FHIT: variants seen among roughly 807,000 people sequenced by gnomAD.
The protein encoded by FHIT is bis(5'-adenosyl)-triphosphatase.
Under a neutral mutation model 17.9 loss-of-function variants are expected in FHIT, and 19 were observed. That is an observed-to-expected ratio of 1.06 (90% confidence interval 0.74 to 1.56). The LOEUF (loss-of-function observed/expected upper bound fraction) is 1.56, where lower values mean the gene tolerates loss of function less well. Among genes scored for constraint, FHIT ranks in the 40% most tolerant of loss-of-function variants. FHIT has a pLI of 0.00. For synonymous variants in FHIT, 81 were observed against 69.7 expected (o/e 1.16, Z -0.81); for missense variants, 248 against 189.2 (o/e 1.31, Z -1.82).
intron 8 of FHIT, among the ~76,000 whole-genome samples, chr3:59,788,879 A>ATGTTTTTTTTTTTTTT (rs1553676982): frequency 6.0e-4 from 2 of 3,316 alleles, no homozygotes; most frequent in Non-Finnish European, 1.4e-3. Context: ...CTGAGTTCAT[A>ATGTTTTTTTTTTTTTT]TGTTTTTTTT....
At chr3:60,679,753 T>C (rs1553696342) in intron 4 of FHIT, among the ~76,000 whole-genome samples, 1 of 152,110 alleles carries the variant, frequency 6.6e-6, no homozygotes, top group East Asian at 1.9e-4. Flanking sequence ...AAAAATTCTT[T>C]TTCTAGGGAG....
chr3:60,591,305 T>C (rs1419978937), intron 4 of FHIT, among the ~76,000 whole-genome samples: 2 of 152,046 alleles, frequency 1.3e-5, no homozygotes, highest in Non-Finnish European at 2.9e-5. Flanking sequence ...CATGACCCTC[T>C]AGTTTGGAGG....
chr3:59,941,229 G>A (rs931423545), intron 7 of FHIT, among the ~76,000 whole-genome samples: 7 of 152,164 alleles, frequency 4.6e-5, no homozygotes, highest in Non-Finnish European at 1.0e-4. Context: ...TATGCTGATT[G>A]TTCTCAAGCT....
At chr3:60,297,858 C>T (rs930662244) in intron 5 of FHIT, among the ~76,000 whole-genome samples, 3 of 152,042 alleles carry the variant, frequency 2.0e-5, no homozygotes, top group Non-Finnish European at 4.4e-5. Context: ...GGGGTTCAGT[C>T]CCACAAGACA....
At chr3:60,537,301 G>A (rs1429631180) in intron 4 of FHIT, among the ~76,000 whole-genome samples, 2 of 152,036 alleles carry the variant, frequency 1.3e-5, no homozygotes, top group African/African-American at 2.4e-5. Context: ...GGCCCTATTT[G>A]TCAGCTACTT....
chr3:60,759,495 G>A (rs947942505), intron 4 of FHIT, among the ~76,000 whole-genome samples: 3 of 152,188 alleles, frequency 2.0e-5, no homozygotes. Flanking sequence ...TTTCTAGGAA[G>A]TGAGGAGAGC....
chr3:61,045,348 T>C (rs183473004), intron 2 of FHIT, among the ~76,000 whole-genome samples: 1 of 152,262 alleles, frequency 6.6e-6, no homozygotes, highest in Non-Finnish European at 1.5e-5. Flanking sequence ...TCCTAGTCTC[T>C]GATAAAACAG....
intron 5 of FHIT, among the ~76,000 whole-genome samples, chr3:60,365,422 T>C (rs575017221): frequency 2.6e-5 from 4 of 152,196 alleles, no homozygotes; most frequent in African/African-American, 9.6e-5. Flanking sequence ...TTTTAAATTC[T>C]ATCACAATTC....
intron 3 of FHIT, among the ~76,000 whole-genome samples, chr3:61,029,137 T>C (rs1575867457): frequency 6.6e-6 from 1 of 152,266 alleles, no homozygotes; most frequent in Middle Eastern, 3.4e-3. Flanking sequence ...GTAAATTGTG[T>C]CTCTGATATA....
intron 5 of FHIT, among the ~76,000 whole-genome samples, chr3:60,204,053 AT>A (rs1197140440): frequency 6.6e-6 from 1 of 152,186 alleles, no homozygotes; most frequent in East Asian, 1.9e-4. Flanking sequence ...AAATAATTTA[AT>A]TGTACATTTT....
At chr3:61,194,725 A>G (rs1239423307) in intron 2 of FHIT, among the ~76,000 whole-genome samples, 1 of 152,184 alleles carries the variant, frequency 6.6e-6, no homozygotes, top group African/African-American at 2.4e-5. Flanking sequence ...AATAATACAA[A>G]AGCATTTTCA....
intron 4 of FHIT, among the ~76,000 whole-genome samples, chr3:60,579,751 T>C (rs1299944862): frequency 6.6e-6 from 1 of 152,184 alleles, no homozygotes; most frequent in Non-Finnish European, 1.5e-5. Flanking sequence ...AGGGAAAATG[T>C]TGGCATATTC....
intron 2 of FHIT, among the ~76,000 whole-genome samples, chr3:61,137,918 C>A (rs570099816): frequency 1.4e-4 from 21 of 152,328 alleles, no homozygotes; most frequent in Admixed American, 6.5e-4. Context: ...GTATTCCTCT[C>A]TCTTTCTTTC....
chr3:60,534,641 G>GT (rs1309443794), intron 5 of FHIT, among the ~76,000 whole-genome samples: 1 of 152,022 alleles, frequency 6.6e-6, no homozygotes, highest in African/African-American at 2.4e-5. Flanking sequence ...AAAAGCTCTG[G>GT]TTCTCATTGT....
At chr3:60,323,765 A>G (rs973774626) in intron 5 of FHIT, among the ~76,000 whole-genome samples, 8 of 152,226 alleles carry the variant, frequency 5.3e-5, no homozygotes, top group African/African-American at 1.7e-4. Context: ...CTTGCCACAG[A>G]TAGACAGCTA....
chr3:61,034,774 C>G (rs1164722456), intron 3 of FHIT, among the ~76,000 whole-genome samples: 1 of 152,134 alleles, frequency 6.6e-6, no homozygotes, highest in East Asian at 1.9e-4. Flanking sequence ...AGAAATCTCA[C>G]TGGTAGGTAT....
chr3:60,676,845 G>A (rs367596886), intron 4 of FHIT, among the ~76,000 whole-genome samples: 1 of 151,754 alleles, frequency 6.6e-6, no homozygotes, highest in African/African-American at 2.4e-5. Context: ...TTTTCTTTTA[G>A]TGAGCATAAT....
chr3:60,623,580 T>G (rs2039195628), intron 4 of FHIT, among the ~76,000 whole-genome samples: 1 of 152,234 alleles, frequency 6.6e-6, no homozygotes, highest in Admixed American at 6.5e-5. Context: ...TACCAAAGTT[T>G]AAGTCAAGAG....
chr3:59,953,598 C>T (rs900976036), intron 7 of FHIT, among the ~76,000 whole-genome samples: 2 of 152,168 alleles, frequency 1.3e-5, no homozygotes, highest in Admixed American at 1.3e-4. Flanking sequence ...GAATCTCCAA[C>T]ATATACAATG....
Sources: gnomAD v4.1 joint callset for allele counts (sites outside exome capture counted in the v4.1 genomes callset) on GRCh38, gnomAD v4.1.1 for gene constraint, MANE v1.5 for transcripts, NCBI Gene and HGNC (gene_info 2026-07-23, HGNC 2026-07-21) for gene names.